The following GALNT18 variants were observed in gnomAD, a reference collection of about 807,000 sequenced individuals.
The protein encoded by GALNT18 is GalNAc-transferase 18.
GALNT18 carries 44 observed loss-of-function variants against 69.5 expected under a neutral mutation model. That is an observed-to-expected ratio of 0.63 (90% confidence interval 0.50 to 0.81). The LOEUF (loss-of-function observed/expected upper bound fraction) is 0.81, where lower values mean the gene tolerates loss of function less well. GALNT18 is among the 40% of genes least tolerant of loss of function. The probability of loss-of-function intolerance (pLI) is 0.00; values close to 1 mark genes in which losing one functional copy is unlikely to be tolerated. For missense variants in GALNT18, 715 were observed against 810.0 expected (o/e 0.88, Z 1.42); for synonymous variants, 364 against 318.2 (o/e 1.14, Z -1.53).
chr11:11,385,029 G>T (rs1325794026), intron 3 of GALNT18, among the ~76,000 whole-genome samples: 1 of 152,186 alleles, frequency 6.6e-6, no homozygotes, highest in African/African-American at 2.4e-5. Context: ...AGTGTCAGCA[G>T]TCGCTTCAGG....
intron 1 of GALNT18, among the ~76,000 whole-genome samples, chr11:11,503,431 C>G (rs1857010949): frequency 2.6e-5 from 4 of 152,174 alleles, no homozygotes; most frequent in Admixed American, 2.0e-4. Context: ...ACAGTCTAAT[C>G]AGGTGCCCAC....
chr11:11,553,927 G>C (rs1858263152), intron 1 of GALNT18, among the ~76,000 whole-genome samples: 1 of 152,188 alleles, frequency 6.6e-6, no homozygotes, highest in African/African-American at 2.4e-5. Context: ...TTGCCACAGA[G>C]GACACGAGCG....
chr11:11,513,168 C>A (rs1047175586), intron 1 of GALNT18, among the ~76,000 whole-genome samples: 1 of 152,170 alleles, frequency 6.6e-6, no homozygotes, highest in African/African-American at 2.4e-5. Flanking sequence ...CAAGTCCAAA[C>A]TTGAGTGCTC....
intron 2 of GALNT18, among the ~76,000 whole-genome samples, chr11:11,445,134 A>G (rs1855621132): frequency 6.6e-6 from 1 of 152,148 alleles, no homozygotes; most frequent in Admixed American, 6.5e-5. Context: ...CGGGCCTGCC[A>G]CTCCCATTAG....
rs201256702 is a variant in GALNT18 at position 11,288,615 on chromosome 11, TAAAGG to T, written c.1677+4409_1677+4413del. 7.4e-3 allele frequency among the ~76,000 whole-genome samples: 1,128 copies of T among 152,308 alleles called. 15 individuals carry two copies. Among genetic ancestry groups the T allele is most frequent in the Non-Finnish European group, 0.011 (758 of 68,024 alleles). On this transcript the variant is annotated intron_variant, in intron 10 of 10. Coordinates refer to ENST00000227756, the MANE Select transcript of GALNT18 (RefSeq NM_198516.3). ...GCTCAATAAATGTTTGATGAACGAC[TAAAGG>T]AAAGACTGTTCATCATTGGAAAATT...
chr11:11,499,919 C>A (rs1470842289), intron 1 of GALNT18, among the ~76,000 whole-genome samples: 1 of 152,154 alleles, frequency 6.6e-6, no homozygotes, highest in African/African-American at 2.4e-5. Context: ...AGACAAAACC[C>A]TACCAATGAC....
intron 7 of GALNT18, among the ~76,000 whole-genome samples, chr11:11,335,013 G>A (rs1041387120): frequency 1.1e-4 from 17 of 152,174 alleles, no homozygotes; most frequent in Non-Finnish European, 1.5e-5. Context: ...CTGTGTCCCA[G>A]GACCCATTCA....
intron 6 of GALNT18, among the ~76,000 whole-genome samples, chr11:11,353,883 G>A (rs1467924057): frequency 6.6e-6 from 1 of 152,188 alleles, no homozygotes; most frequent in East Asian, 1.9e-4. Context: ...GTTGGTGGGA[G>A]GCAATGTGGC....
At position 11,444,779 on chromosome 11, in the gene GALNT18, A is replaced by G. The variant is rs1186164877; in HGVS notation, c.428+3965T>C. 6.6e-6 allele frequency among the ~76,000 whole-genome samples: 1 copy of G among 152,246 alleles called. No individual in the cohort carries two copies. Among genetic ancestry groups the G allele is most frequent in the Non-Finnish European group, 1.5e-5 (1 of 68,044 alleles). On this transcript the variant is annotated intron_variant, in intron 2 of 10. Coordinates refer to ENST00000227756, the MANE Select transcript of GALNT18 (RefSeq NM_198516.3). This position sits in a 1 kb window ranked among gnomAD's most constrained non-coding sequence, Gnocchi z 4.4. Reference sequence around the variant, plus strand: ...TAACATCAGGGTTAGAATTTGGAAGAAAAGAGCCAAGAATACCAAGAGCAA... The same window carrying G: ...TAACATCAGGGTTAGAATTTGGAAGGAAAGAGCCAAGAATACCAAGAGCAA...
intron 9 of GALNT18, among the ~76,000 whole-genome samples, chr11:11,308,498 C>T (rs149791497): frequency 1.8e-3 from 276 of 152,228 alleles, no homozygotes; most frequent in African/African-American, 6.0e-3. Flanking sequence ...ATCAAACCCC[C>T]AGTATCATTC....
intron 9 of GALNT18, 146 bp downstream of exon 9, chr11:11,326,940 C>G: frequency 1.6e-6 from 1 of 619,644 alleles, no homozygotes; most frequent in South Asian, 2.0e-5. Context: ...AGGATGTGCC[C>G]TAATGAAAAG....
chr11:11,397,136 C>G (rs1030615360), intron 3 of GALNT18, among the ~76,000 whole-genome samples: 2 of 152,172 alleles, frequency 1.3e-5, no homozygotes, highest in Non-Finnish European at 2.9e-5. Context: ...ACTCTGCAGG[C>G]AGGCTCTATT....
intron 1 of GALNT18, among the ~76,000 whole-genome samples, chr11:11,481,237 T>C (rs1190574648): frequency 6.6e-6 from 1 of 152,106 alleles, no homozygotes; most frequent in Non-Finnish European, 1.5e-5. Context: ...GAGAAGGCAG[T>C]CTGTGCTACC....
In GALNT18 at chr11:11,339,118, T is replaced by C. The variant is rs541591982; in HGVS notation, c.1278+1701A>G. On this transcript the variant is annotated intron_variant, in intron 7 of 10. Coordinates refer to ENST00000227756, the MANE Select transcript of GALNT18 (RefSeq NM_198516.3). The surrounding 1 kb of genome is among the most constrained non-coding windows in gnomAD (Gnocchi z 5.2). ...TTTGATAAGAGGAAGGAGAGGACAT[T>C]TGGACACAGGGAACAGGAGAGGAAA... 5.3e-5 allele frequency among the ~76,000 whole-genome samples: 8 copies of C among 152,058 alleles called. No homozygotes were observed. The highest frequency in any genetic ancestry group is 1.2e-4 in the Non-Finnish European group (8 of 68,004).
intron 3 of GALNT18, among the ~76,000 whole-genome samples, chr11:11,427,950 C>T (rs924712040): frequency 1.3e-5 from 2 of 152,198 alleles, no homozygotes; most frequent in African/African-American, 4.8e-5. Flanking sequence ...GACCCATGGC[C>T]AGAAAGCAGC....
intron 10 of GALNT18, 134 bp from the exon 11 acceptor site, chr11:11,271,424 G>A: frequency 1.2e-6 from 1 of 832,822 alleles, no homozygotes; most frequent in Non-Finnish European, 1.9e-6. Flanking sequence ...GCATTCCCAT[G>A]AAACTGCAGG....
chr11:11,522,263 C>A (rs1247025037), intron 1 of GALNT18, among the ~76,000 whole-genome samples: 1 of 152,194 alleles, frequency 6.6e-6, no homozygotes, highest in Non-Finnish European at 1.5e-5. Flanking sequence ...AAACTCTATG[C>A]CCCATCTCTG....
chr11:11,593,891 T>C (rs1326847502), intron 1 of GALNT18, among the ~76,000 whole-genome samples: 1 of 152,266 alleles, frequency 6.6e-6, no homozygotes, highest in Non-Finnish European at 1.5e-5. Flanking sequence ...TGGAATATGA[T>C]TCCCCTGCCT....
chr11:11,514,022 G>A (rs1054656868), intron 1 of GALNT18, among the ~76,000 whole-genome samples: 1 of 152,180 alleles, frequency 6.6e-6, no homozygotes, highest in Non-Finnish European at 1.5e-5. Flanking sequence ...GGGAGTGAGG[G>A]GACCCTGTTG....
Sources: allele counts gnomAD v4.1 joint callset (sites outside exome capture counted in the v4.1 genomes callset), GRCh38; gene constraint gnomAD v4.1.1; non-coding constraint Gnocchi (gnomAD v3.1); transcripts MANE v1.5; gene names NCBI Gene and HGNC (gene_info 2026-07-23, HGNC 2026-07-21).